The following LARGE1 variants were observed in gnomAD, a reference collection of about 807,000 sequenced individuals.
LARGE1 encodes xylosyl- and glucuronyltransferase LARGE1.
A neutral mutation model predicts 87.6 loss-of-function variants in LARGE1; 43 were observed. That is an observed-to-expected ratio of 0.49 (90% CI 0.38 to 0.63). The LOEUF (loss-of-function observed/expected upper bound fraction) is 0.63, where lower values mean the gene tolerates loss of function less well. Among genes scored for constraint, LARGE1 ranks in the 30% least tolerant of loss-of-function variants. The probability of loss-of-function intolerance (pLI) is 0.00; values close to 1 mark genes in which losing one functional copy is unlikely to be tolerated. For synonymous variants in LARGE1, 434 were observed against 394.6 expected (o/e 1.10, Z -1.18); for missense variants, 802 against 1,000.2 (o/e 0.80, Z 2.67).
At chr22:33,844,317 T>C (rs2063367193) in intron 1 of LARGE1, among the ~76,000 whole-genome samples, 1 of 152,120 alleles carries the variant, frequency 6.6e-6, no homozygotes, top group Non-Finnish European at 1.5e-5. Context: ...AATGAGACTG[T>C]TTGTTTCCCA....
chr22:33,407,881 CTG>C (rs1473406472), intron 7 of LARGE1, among the ~76,000 whole-genome samples: 2 of 151,838 alleles, frequency 1.3e-5, no homozygotes, highest in Non-Finnish European at 2.9e-5. Flanking sequence ...GAGAGACACT[CTG>C]TAAAAGAAAA....
intron 6 of LARGE1, among the ~76,000 whole-genome samples, chr22:33,551,806 T>C (rs112707010): frequency 0.013 from 2,024 of 152,058 alleles, 24 homozygotes; most frequent in Middle Eastern, 0.024. Flanking sequence ...TGTTAAAAGT[T>C]ATCTAGCAAC....
At chr22:33,193,564 C>T (rs1027081146) in intron 11 of LARGE1, among the ~76,000 whole-genome samples, 4 of 152,142 alleles carry the variant, frequency 2.6e-5, no homozygotes, top group African/African-American at 9.7e-5. Context: ...GTAATCCCAG[C>T]ACTTTGGGAG....
At chr22:33,395,126 G>A (rs2065683408) in intron 7 of LARGE1, among the ~76,000 whole-genome samples, 6 of 151,750 alleles carry the variant, frequency 4.0e-5, no homozygotes, top group Admixed American at 3.9e-4. Flanking sequence ...CTATTTGGGA[G>A]GCTGAGGCAG....
At chr22:33,633,137 G>T (rs1233800297) in intron 3 of LARGE1, among the ~76,000 whole-genome samples, 2 of 152,114 alleles carry the variant, frequency 1.3e-5, no homozygotes, top group Non-Finnish European at 2.9e-5. Flanking sequence ...GGGCTTGGAG[G>T]AAATAAAGGT....
intron 7 of LARGE1, 62 bp downstream of exon 7, chr22:33,432,099 A>G (rs1277783215): frequency 7.6e-7 from 1 of 1,321,772 alleles, no homozygotes; most frequent in African/African-American, 1.4e-5. Flanking sequence ...TCTCCTGCGG[A>G]AGGAGCACTG....
chr22:33,069,408 C>T, the LARGE1 span, among the ~76,000 whole-genome samples: 1 of 152,060 alleles, frequency 6.6e-6, no homozygotes, highest in Non-Finnish European at 1.5e-5. Context: ...AAGGAAAGTT[C>T]GGTAAATGTT....
At chr22:33,738,963 C>T (rs2083770542) in intron 2 of LARGE1, among the ~76,000 whole-genome samples, 1 of 149,586 alleles carries the variant, frequency 6.7e-6, no homozygotes, top group African/African-American at 2.5e-5. Context: ...TTGGACAAGA[C>T]ATTATACAGT....
chr22:33,825,543 C>T (rs2062757318), intron 1 of LARGE1, among the ~76,000 whole-genome samples: 1 of 152,064 alleles, frequency 6.6e-6, no homozygotes, highest in Non-Finnish European at 1.5e-5. Context: ...AGGAGAAACG[C>T]TGACCAAAAG....
At chr22:33,307,157 T>A (rs1320380013) in intron 11 of LARGE1, among the ~76,000 whole-genome samples, 1 of 152,208 alleles carries the variant, frequency 6.6e-6, no homozygotes, top group East Asian at 1.9e-4. Flanking sequence ...ATCTCATCCA[T>A]CTCCCCCTTT....
In LARGE1 at chr22:33,489,759, C is replaced by T. The variant is rs140039686; in HGVS notation, c.788-57494G>A. Among the ~76,000 whole-genome samples the T allele has an allele frequency of 5.3e-5, 8 of 152,160 alleles. No homozygotes were observed. In the South Asian group the frequency reaches 6.3e-4, roughly 12 times the overall value. ...TGTGTCGTTATCAGCAGCATGAAAG[C>T]GAACTAATAGAAACAATGAACAAAA... On this transcript the variant is annotated intron_variant, in intron 6 of 14. Coordinates refer to ENST00000397394, the MANE Select transcript of LARGE1 (RefSeq NM_133642.5).
At chr22:33,887,814 A>G (rs1488186528) in intron 1 of LARGE1, among the ~76,000 whole-genome samples, 2 of 152,232 alleles carry the variant, frequency 1.3e-5, no homozygotes, top group Non-Finnish European at 2.9e-5. Flanking sequence ...CAAGGTTCTC[A>G]TGCCTATGAT....
intron 2 of LARGE1, among the ~76,000 whole-genome samples, chr22:33,678,422 C>A (rs989819278): frequency 6.6e-6 from 1 of 152,144 alleles, no homozygotes; most frequent in Non-Finnish European, 1.5e-5. Context: ...CTAGTATAAA[C>A]CACCACCTAA....
At chr22:33,379,262 CT>C (rs71320972) in intron 9 of LARGE1, among the ~76,000 whole-genome samples, 522 of 130,568 alleles carry the variant, frequency 4.0e-3, no homozygotes, top group East Asian at 5.6e-3. Context: ...TGATTTCTTT[CT>C]TTTTTTTTTT....
At chr22:33,459,643 C>T (rs2068290590) in intron 6 of LARGE1, among the ~76,000 whole-genome samples, 1 of 150,822 alleles carries the variant, frequency 6.6e-6, no homozygotes, top group Admixed American at 6.6e-5. Flanking sequence ...TAAGTTCCTG[C>T]TCTGTAAGCT....
chr22:33,142,327 C>T, the LARGE1 span, among the ~76,000 whole-genome samples: 3 of 152,072 alleles, frequency 2.0e-5, no homozygotes, highest in Non-Finnish European at 4.4e-5. Flanking sequence ...TTATCAAAAC[C>T]CTTGTTGGCT....
chr22:33,224,891 G>A, intron 11 of LARGE1, among the ~76,000 whole-genome samples: 1 of 152,236 alleles, frequency 6.6e-6, no homozygotes, highest in East Asian at 1.9e-4. Flanking sequence ...ATTATTCAAA[G>A]TCATTTGTTT....
intron 9 of LARGE1, among the ~76,000 whole-genome samples, chr22:33,374,587 G>C (rs11703345): frequency 2.0e-5 from 3 of 151,896 alleles, no homozygotes; most frequent in Admixed American, 2.0e-4. Context: ...AAGTTTTATT[G>C]ACCTGAAATT....
At chr22:33,661,728 A>G (rs1292884360) in intron 2 of LARGE1, among the ~76,000 whole-genome samples, 2 of 152,136 alleles carry the variant, frequency 1.3e-5, no homozygotes, top group Non-Finnish European at 2.9e-5. Flanking sequence ...TCAGATCTAC[A>G]GAGAAGAGTT....
Sources: gnomAD v4.1 joint callset for allele counts (sites outside exome capture counted in the v4.1 genomes callset) on GRCh38, gnomAD v4.1.1 for gene constraint, MANE v1.5 for transcripts, NCBI Gene and HGNC (gene_info 2026-07-23, HGNC 2026-07-21) for gene names.